Variants in KCNN2 observed in about 807,000 individuals in gnomAD.
KCNN2 encodes small conductance calcium-activated potassium channel protein 2.
A neutral mutation model predicts 55.5 loss-of-function variants in KCNN2; 24 were observed. The ratio of observed to expected loss-of-function variants is 0.43; its 90% CI spans 0.31 to 0.61. The LOEUF (loss-of-function observed/expected upper bound fraction) is 0.61, where lower values mean the gene tolerates loss of function less well. Ranked by LOEUF, KCNN2 falls within the 20% of genes least tolerant of loss-of-function variation. KCNN2 has a pLI of 0.08. For synonymous variants in KCNN2, 431 were observed against 336.1 expected, an observed-to-expected ratio of 1.28 and a Z score of -3.09; for missense variants, 754 against 853.6, an observed-to-expected ratio of 0.88 and a Z score of 1.45.
intron 2 of KCNN2, among the ~76,000 whole-genome samples, chr5:114,262,091 T>A (rs962959313): frequency 2.0e-5 from 3 of 152,178 alleles, no homozygotes; most frequent in African/African-American, 7.2e-5. Context: ...AAGAGACTCA[T>A]GTGTCAATTT....
In KCNN2 at chr5:114,351,191, G is replaced by A. The variant is rs187277284; in HGVS notation, c.-184-9754G>A. 2.6e-5 allele frequency among the ~76,000 whole-genome samples: 4 copies of A among 151,640 alleles called. No homozygotes were observed. In the East Asian group the frequency reaches 7.8e-4, roughly 29 times the overall value. On this transcript the variant is annotated intron_variant, in intron 2 of 10. Transcript: ENST00000512097. ...TTTTGTTGTTACATTTCTAATTATT[G>A]TATTCTTTTTGATGACTTTACAAAT...
intron 1 of KCNN2, among the ~76,000 whole-genome samples, chr5:114,098,670 T>G (rs149639948): frequency 6.6e-6 from 1 of 151,794 alleles, no homozygotes; most frequent in Non-Finnish European, 1.5e-5. Context: ...ACCAAAAAGG[T>G]TGGGGACCGC....
intron 1 of KCNN2, among the ~76,000 whole-genome samples, chr5:114,064,654 G>T (rs559072461): frequency 1.3e-5 from 2 of 152,138 alleles, no homozygotes; most frequent in Non-Finnish European, 2.9e-5. Context: ...TTAGCTTTGG[G>T]TAGCATGTTA....
chr5:114,476,044 TTTTAAATTATAC>T (rs1761949238), intron 5 of KCNN2, among the ~76,000 whole-genome samples: 1 of 152,184 alleles, frequency 6.6e-6, no homozygotes, highest in Admixed American at 6.5e-5. Context: ...CTACTTTTTT[TTTTAAATTATAC>T]TTTAAGTTTT....
At chr5:114,154,881 T>G (rs1752598280) in intron 1 of KCNN2, among the ~76,000 whole-genome samples, 1 of 152,158 alleles carries the variant, frequency 6.6e-6, no homozygotes, top group Admixed American at 6.6e-5. Context: ...TAGGGAACAT[T>G]CTTTTTTTTA....
intron 2 of KCNN2, among the ~76,000 whole-genome samples, chr5:114,324,018 A>G (rs1185825232): frequency 1.3e-5 from 2 of 152,210 alleles, no homozygotes; most frequent in South Asian, 2.1e-4. Flanking sequence ...AAATGTTATT[A>G]CTATAATTAT....
intron 3 of KCNN2, among the ~76,000 whole-genome samples, chr5:114,423,893 C>T (rs189803640): frequency 6.6e-6 from 1 of 152,182 alleles, no homozygotes; most frequent in African/African-American, 2.4e-5. Context: ...ACAGAAGGAA[C>T]AGCATAAATA....
At chr5:114,118,943 G>A (rs1434234165) in intron 1 of KCNN2, among the ~76,000 whole-genome samples, 1 of 152,106 alleles carries the variant, frequency 6.6e-6, no homozygotes, top group Non-Finnish European at 1.5e-5. Flanking sequence ...GAGACTGACA[G>A]ACCTGGGCCT....
At chr5:114,395,325 A>G (rs1448373831) in intron 2 of KCNN2, among the ~76,000 whole-genome samples, 1 of 152,186 alleles carries the variant, frequency 6.6e-6, no homozygotes, top group Non-Finnish European at 1.5e-5. Flanking sequence ...GTCGCACTGG[A>G]AAGTTCATGC....
At chr5:114,410,270 A>G (rs1259910329) in intron 3 of KCNN2, among the ~76,000 whole-genome samples, 1 of 152,200 alleles carries the variant, frequency 6.6e-6, no homozygotes, top group Non-Finnish European at 1.5e-5. Flanking sequence ...AGTTTTGTAA[A>G]GATAGCGTAC....
chr5:114,367,038 A>G (rs759021041), intron 2 of KCNN2, among the ~76,000 whole-genome samples: 14 of 152,198 alleles, frequency 9.2e-5, no homozygotes, highest in Non-Finnish European at 1.6e-4. Flanking sequence ...TTCTGGCTCT[A>G]TGTCCTCTGG....
intron 5 of KCNN2, among the ~76,000 whole-genome samples, chr5:114,480,430 C>A (rs914303130): frequency 6.6e-6 from 1 of 152,086 alleles, no homozygotes; most frequent in Non-Finnish European, 1.5e-5. Flanking sequence ...ACCAGAGGCA[C>A]GAAGAAGAGC....
intron 2 of KCNN2, among the ~76,000 whole-genome samples, chr5:114,292,789 C>A (rs1755923609): frequency 6.6e-6 from 1 of 152,128 alleles, no homozygotes; most frequent in Non-Finnish European, 1.5e-5. Flanking sequence ...GGCAGTATGG[C>A]CATTTTCACG....
chr5:114,382,818 T>C (rs571222787), intron 2 of KCNN2, among the ~76,000 whole-genome samples: 2 of 152,218 alleles, frequency 1.3e-5, no homozygotes, highest in African/African-American at 4.8e-5. Flanking sequence ...CTCCAAGGAT[T>C]AGCAGCTTGC....
intron 1 of KCNN2, among the ~76,000 whole-genome samples, chr5:114,069,126 T>A (rs2112522495): frequency 6.6e-6 from 1 of 152,294 alleles, no homozygotes; most frequent in East Asian, 1.9e-4. Context: ...ATTGCTTGCT[T>A]TTCTTCTTCC....
intron 2 of KCNN2, among the ~76,000 whole-genome samples, chr5:114,284,073 C>G (rs1368151428): frequency 6.6e-6 from 1 of 152,174 alleles, no homozygotes; most frequent in African/African-American, 2.4e-5. Context: ...GAACCTCACA[C>G]CTTTTCACTT....
At chr5:114,417,133 A>G (rs1449067744) in intron 3 of KCNN2, among the ~76,000 whole-genome samples, 1 of 152,220 alleles carries the variant, frequency 6.6e-6, no homozygotes, top group Non-Finnish European at 1.5e-5. Flanking sequence ...AAAAATCAGT[A>G]ATTTTAATCT....
At position 114,363,573 on chromosome 5, in the gene KCNN2, G is replaced by A. The variant is rs553519903; in HGVS notation, c.1122+312G>A. 8.5e-5 allele frequency among the ~76,000 whole-genome samples: 13 copies of A among 152,314 alleles called. No homozygotes were observed. In the South Asian group the frequency reaches 2.7e-3, roughly 32 times the overall value. On this transcript the variant is annotated intron_variant, in intron 1 of 7. Coordinates refer to ENST00000673685, the MANE Select transcript of KCNN2 (RefSeq NM_021614.4). ...TTCATCCCCTCGTGAATTATGTTTA[G>A]AAGGGCCCTTTCAACCCGCTCTCTT...
chr5:114,336,335 T>C (rs879832894), intron 2 of KCNN2, among the ~76,000 whole-genome samples: 5 of 152,234 alleles, frequency 3.3e-5, no homozygotes, highest in Non-Finnish European at 5.9e-5. Context: ...AGTGAAATGA[T>C]ATCTAGGTTT....
Sources: allele counts gnomAD v4.1 joint callset (sites outside exome capture counted in the v4.1 genomes callset), GRCh38; gene constraint gnomAD v4.1.1; transcripts MANE v1.5; gene names NCBI Gene and HGNC (gene_info 2026-07-23, HGNC 2026-07-21).